Variants in ABCC12 observed in about 807,000 individuals in gnomAD.
ABCC12 encodes ATP binding cassette subfamily C member 12.
In ABCC12, 142 loss-of-function variants were observed where a neutral mutation model predicts 151.1. The observed-to-expected ratio is 0.94, with a 90% CI of 0.82 to 1.08. The LOEUF (loss-of-function observed/expected upper bound fraction) is 1.08. ABCC12 is among the 50% of genes least tolerant of loss of function. The probability of loss-of-function intolerance (pLI) is 0.00; values close to 1 mark genes in which losing one functional copy is unlikely to be tolerated. For missense variants in ABCC12, 1,638 were observed against 1,691.1 expected (o/e 0.97, Z 0.55); for synonymous variants, 645 against 646.4 (o/e 1.00, Z 0.03).
chr16:48,121,447 G>T, intron 13 of ABCC12: 1 of 358,884 alleles, frequency 2.8e-6, no homozygotes. Flanking sequence ...CTGTTGCAGA[G>T]AACCTCGGAA....
intron 9 of ABCC12, 137 bp downstream of exon 9, chr16:48,133,550 A>T: frequency 6.2e-5 from 46 of 739,340 alleles, no homozygotes; most frequent in Non-Finnish European, 8.7e-5. Context: ...AAAAAGTTGG[A>T]GTTGAAGTCA....
Position 48,130,405 on chromosome 16 carries a change from A to G in ABCC12, c.1236+383T>C, listed in dbSNP as rs373557379. ...AGGGACTAAATGAGTGCATAAATGTAGGGACCCCAACATCCTCTTCATCAC... is the reference window on the plus strand; with the variant it reads ...AGGGACTAAATGAGTGCATAAATGTGGGGACCCCAACATCCTCTTCATCAC... On this transcript the variant is annotated intron_variant, in intron 10 of 30. Coordinates refer to ENST00000311303, the MANE Select transcript of ABCC12 (RefSeq NM_001393797.1). 2.6e-5 allele frequency among the ~76,000 whole-genome samples: 4 copies of G among 152,210 alleles called. No individual in the cohort carries two copies. In the East Asian group the frequency reaches 5.8e-4, roughly 22 times the overall value.
intron 25 of ABCC12, 80 bp downstream of exon 25, chr16:48,091,040 C>A: frequency 2.2e-6 from 3 of 1,371,552 alleles, no homozygotes; most frequent in South Asian, 2.3e-5. Flanking sequence ...AGACCCCTTT[C>A]GCATCTAAAA....
At position 48,105,250 on chromosome 16, in the gene ABCC12, C is replaced by T. The variant is rs892001258; in HGVS notation, c.2562G>A (p.Val854=). ...ADIGQHVYQW[V]YTASMVFMLV... ...GCATGAACACCATGCTTGCAGTGTA[C>T]ACCCACTGGTACACATGCTGACCGA... is the stretch of plus-strand genomic sequence containing the variant. The change falls in exon 21 of 31, where the codon GTG becomes GTA. Residue 854 remains valine, a synonymous_variant. Coordinates refer to ENST00000311303, the MANE Select transcript of ABCC12 (RefSeq NM_001393797.1). 3 of 1,614,144 alleles carry T rather than the reference C, an allele frequency of 1.9e-6. No individual in the cohort carries two copies. Among genetic ancestry groups the T allele is most frequent in the Non-Finnish European group, 2.5e-6 (3 of 1,180,040 alleles).
chr16:48,141,385 T>C lies in ABCC12; in HGVS notation c.276-32A>G, dbSNP rs145336131. 29 of 1,612,716 alleles carry C rather than the reference T, an allele frequency of 1.8e-5. No homozygotes were observed. In the African/African-American group the frequency reaches 3.3e-4, roughly 19 times the overall value. On this transcript the variant is annotated intron_variant, in intron 4 of 30. Coordinates refer to ENST00000311303, the MANE Select transcript of ABCC12 (RefSeq NM_001393797.1). ...TGAAAAAACAGAAGCATAAAATGGA[T>C]TGGCACTTCTATGTGCTGTTTGAAG...
intron 13 of ABCC12, among the ~76,000 whole-genome samples, chr16:48,118,227 C>T (rs1021607501): frequency 4.6e-5 from 7 of 152,208 alleles, no homozygotes; most frequent in Non-Finnish European, 5.9e-5. Context: ...AACCTAGGAA[C>T]GTCCGTGGTC....
intron 29 of ABCC12, among the ~76,000 whole-genome samples, chr16:48,084,428 C>A (rs902418212): frequency 2.0e-5 from 3 of 151,080 alleles, no homozygotes; most frequent in Non-Finnish European, 4.4e-5. Flanking sequence ...CTCCTACATT[C>A]ATTCCCTATA....
rs1352595160 is a variant in ABCC12 at position 48,081,525 on chromosome 16, C to T, written c.*2190G>A. On this transcript the variant is annotated 3_prime_UTR_variant, in exon 31 of 31. Transcript: ENST00000311303. ...GGAGCCAGACTGGTTAGGGTTCAAG[C>T]CCTATCTCTGTCCCTTCCTTCCTGG... is the stretch of plus-strand genomic sequence containing the variant. Among the ~76,000 whole-genome samples, 1 of 152,140 alleles carries T rather than the reference C, an allele frequency of 6.6e-6. No homozygotes were observed. The highest frequency in any genetic ancestry group is 2.1e-4 in the South Asian group (1 of 4,818).
intron 8 of ABCC12, 86 bp from the exon 9 acceptor site, chr16:48,133,921 C>T: frequency 6.6e-7 from 1 of 1,506,502 alleles, no homozygotes. Flanking sequence ...ACTTGGTCCT[C>T]TTCCAGATGG....
At chr16:48,102,189 G>A (rs183916847) in intron 22 of ABCC12, among the ~76,000 whole-genome samples, 11 of 152,260 alleles carry the variant, frequency 7.2e-5, no homozygotes, top group Middle Eastern at 3.4e-3. Flanking sequence ...GCTGGTGGCA[G>A]GCCAAGTCTT....
rs139958218 is a variant in ABCC12, at chr16:48,112,165, T to C, written c.1990-255A>G. 4.2e-4 allele frequency among the ~76,000 whole-genome samples: 64 copies of C among 152,224 alleles called. No individual in the cohort carries two copies. The East Asian group carries it at 0.012, about 28-fold the overall frequency. On this transcript the variant is annotated intron_variant, in intron 15 of 30. Transcript: ENST00000311303. The stretch of plus-strand genomic sequence containing the variant: ...TTGCCAAGTGCCTCCTGGGGGCAGA[T>C]TGGCCCCCAGCACAGAACCATTCAT...
chr16:48,106,548 A>G (rs918673625), intron 20 of ABCC12, among the ~76,000 whole-genome samples: 21 of 152,208 alleles, frequency 1.4e-4, no homozygotes, highest in African/African-American at 5.1e-4. Context: ...GGGATCTGGG[A>G]GAATCTGTCT....
At chr16:48,138,791 A>C (rs1964699072) in intron 7 of ABCC12, among the ~76,000 whole-genome samples, 1 of 150,646 alleles carries the variant, frequency 6.6e-6, no homozygotes, top group Non-Finnish European at 1.5e-5. Context: ...ACATAGCGAG[A>C]CCCTATCTCT....
At chr16:48,100,266 A>G (rs1374264074) in intron 23 of ABCC12, among the ~76,000 whole-genome samples, 4 of 152,150 alleles carry the variant, frequency 2.6e-5, no homozygotes, top group Non-Finnish European at 4.4e-5. Context: ...AGTCTGATTT[A>G]TACATTTTAT....
rs150459624 is a variant in ABCC12, at chr16:48,088,603, G to C, written c.3417C>G (p.Ser1139Arg). The C allele has an allele frequency of 4.4e-5, 71 of 1,614,208 alleles. 1 individual carries two copies. The African/African-American group carries it at 8.7e-4, about 20-fold the overall frequency. Reference protein sequence around the residue: ...YRDNTPLVLDSLNLNIQSGQT... With the variant: ...YRDNTPLVLDRLNLNIQSGQT... ...GCCCACTTTGTATGTTCAAGTTCAG[G>C]CTGTCGAGAACAAGGGGGGTGTTGT... The change falls in exon 26 of 31, where the codon AGC becomes AGG. Residue 1139 changes from serine (S) to arginine (R), a missense_variant. Physicochemically the swap from Ser to Arg is moderately radical, Grantham distance 110 (BLOSUM62 -1). Coordinates refer to ENST00000311303, the MANE Select transcript of ABCC12 (RefSeq NM_001393797.1).
At chr16:48,127,775 C>T (rs559870470) in intron 11 of ABCC12, among the ~76,000 whole-genome samples, 5 of 152,080 alleles carry the variant, frequency 3.3e-5, no homozygotes, top group Non-Finnish European at 7.4e-5. Context: ...AAGAACATAT[C>T]TAGGACAGGA....
intron 4 of ABCC12, among the ~76,000 whole-genome samples, chr16:48,142,881 G>A (rs568293282): frequency 2.7e-4 from 41 of 152,246 alleles, no homozygotes; most frequent in South Asian, 1.7e-3. Flanking sequence ...TGAAGAAGAC[G>A]GTAGCCCAGG....
At chr16:48,116,894 C>T (rs994784649) in intron 14 of ABCC12, among the ~76,000 whole-genome samples, 1 of 152,176 alleles carries the variant, frequency 6.6e-6, no homozygotes, top group African/African-American at 2.4e-5. Flanking sequence ...GAGGTGACCC[C>T]CATACTCCTG....
chr16:48,133,313 G>C (rs1964493082), intron 9 of ABCC12, among the ~76,000 whole-genome samples: 1 of 152,014 alleles, frequency 6.6e-6, no homozygotes, highest in Admixed American at 6.6e-5. Context: ...CCTGAGGTCG[G>C]GAGTTCAAGA....
Sources: allele counts gnomAD v4.1 joint callset (sites outside exome capture counted in the v4.1 genomes callset), GRCh38; gene constraint gnomAD v4.1.1; transcripts MANE v1.5; gene names NCBI Gene and HGNC (gene_info 2026-07-23, HGNC 2026-07-21).